Variants in TNIK observed in about 807,000 individuals in gnomAD.
TNIK encodes TRAF2 and NCK interacting kinase.
TNIK carries 49 observed loss-of-function variants against 191.3 expected under a neutral mutation model. The observed-to-expected ratio is 0.26, with a 90% CI of 0.20 to 0.32. The LOEUF is 0.32. Among genes scored for constraint, TNIK ranks in the 10% least tolerant of loss-of-function variants. The pLI, the probability that TNIK is intolerant of heterozygous loss-of-function variation, is 1.00. For missense variants in TNIK, 1,155 were observed against 1,702.3 expected, an observed-to-expected ratio of 0.68 and a Z score of 5.66; for synonymous variants, 594 against 600.9, an observed-to-expected ratio of 0.99 and a Z score of 0.17.
chr3:171,347,159 G>C, intron 2 of TNIK: 2 of 1,528,878 alleles, frequency 1.3e-6, no homozygotes, highest in South Asian at 1.2e-5. Context: ...ATGATGTCAT[G>C]GGTGACTCCT....
intron 2 of TNIK, among the ~76,000 whole-genome samples, chr3:171,368,931 C>G: frequency 1.3e-5 from 1 of 76,406 alleles, no homozygotes; most frequent in South Asian, 6.2e-4. Context: ...AGTTCACTTT[C>G]ATTTTTTTTG....
chr3:171,345,034 T>G (rs1711938419), intron 2 of TNIK, among the ~76,000 whole-genome samples: 1 of 152,158 alleles, frequency 6.6e-6, no homozygotes, highest in Admixed American at 6.5e-5. Context: ...ATTCGTCTCA[T>G]GGCCTAGAGC....
At chr3:171,438,999 T>C (rs1171308042) in intron 1 of TNIK, among the ~76,000 whole-genome samples, 1 of 152,190 alleles carries the variant, frequency 6.6e-6, no homozygotes, top group Non-Finnish European at 1.5e-5. Context: ...ATTCCCACTA[T>C]TTATTTAGAA....
At chr3:171,310,935 G>A (rs1393780763) in intron 2 of TNIK, among the ~76,000 whole-genome samples, 1 of 152,078 alleles carries the variant, frequency 6.6e-6, no homozygotes, top group East Asian at 1.9e-4. Flanking sequence ...TATGAAACAT[G>A]TGCTTCCCAG....
At position 171,356,532 on chromosome 3, in the gene TNIK, C is replaced by T. The variant is rs149757530; in HGVS notation, c.123+13088G>A. On this transcript the variant is annotated intron_variant, in intron 2 of 32. Transcript: ENST00000436636. ...TATATATTGAAACAGGCTATGGCAT[C>T]GCTGCTCTATAGTATAAATTCAGAC... 1.9e-3 allele frequency among the ~76,000 whole-genome samples: 282 copies of T among 152,234 alleles called. 1 individual carries two copies. The highest frequency in any genetic ancestry group is 6.5e-3 in the African/African-American group (271 of 41,554).
chr3:171,071,504 C>T (rs868846667), intron 28 of TNIK, 181 bp from the exon 29 acceptor site: 11 of 569,332 alleles, frequency 1.9e-5, no homozygotes, highest in South Asian at 1.2e-4. Context: ...CTTCCCTTAG[C>T]GAACTTTGGT....
intron 3 of TNIK, among the ~76,000 whole-genome samples, chr3:171,220,124 C>T (rs540212314): frequency 2.6e-5 from 4 of 152,244 alleles, no homozygotes; most frequent in Admixed American, 2.6e-4. Context: ...CCATCATTCT[C>T]AGCAAACTAA....
In TNIK at chr3:171,260,159, G is replaced by C. The variant is rs142259700; in HGVS notation, c.124-31938C>G. 4.2e-3 allele frequency among the ~76,000 whole-genome samples: 635 copies of C among 152,182 alleles called. 2 individuals carry two copies. The highest frequency in any genetic ancestry group is 6.6e-3 in the Non-Finnish European group (449 of 68,000). The stretch of plus-strand genomic sequence containing the variant: ...CGGGCTTGTTTTCAGCAAGAGTCCT[G>C]TTAGGTTGCTTAGCCAGAATCCCCC... On this transcript the variant is annotated intron_variant, in intron 2 of 32. Coordinates refer to ENST00000436636, the MANE Select transcript of TNIK (RefSeq NM_015028.4).
chr3:171,367,816 G>A lies in TNIK; in HGVS notation c.123+1804C>T, dbSNP rs377011875. On this transcript the variant is annotated intron_variant, in intron 2 of 32. Coordinates refer to ENST00000436636, the MANE Select transcript of TNIK (RefSeq NM_015028.4). The stretch of plus-strand genomic sequence containing the variant: ...TACATTCTCATTTGACTAATACACA[G>A]AAAAGCTGTGGTGGCTACAAAACAA... Among the ~76,000 whole-genome samples the A allele has an allele frequency of 1.4e-3, 214 of 152,230 alleles. 1 individual carries two copies. Among genetic ancestry groups the A allele is most frequent in the African/African-American group, 4.9e-3 (203 of 41,548 alleles).
rs77883259 is a variant in TNIK at position 171,352,799 on chromosome 3, C to T, written c.123+16821G>A. 2.7e-3 allele frequency among the ~76,000 whole-genome samples: 404 copies of T among 152,246 alleles called. 1 individual carries two copies. Among genetic ancestry groups the T allele is most frequent in the Non-Finnish European group, 4.2e-3 (284 of 68,004 alleles). On this transcript the variant is annotated intron_variant, in intron 2 of 32. Coordinates refer to ENST00000436636, the MANE Select transcript of TNIK (RefSeq NM_015028.4). ...TTATACTCTTAAATTGCTTGGTAAA[C>T]GCCTCCTTCTAAGGTACTTTAAAAG...
chr3:171,320,857 C>T (rs1755098101), intron 2 of TNIK, among the ~76,000 whole-genome samples: 1 of 152,174 alleles, frequency 6.6e-6, no homozygotes, highest in South Asian at 2.1e-4. Context: ...ACATAGTTGG[C>T]TATTAATAGT....
intron 2 of TNIK, among the ~76,000 whole-genome samples, chr3:171,315,732 C>G (rs1754529055): frequency 6.6e-6 from 1 of 152,058 alleles, no homozygotes; most frequent in Admixed American, 6.6e-5. Flanking sequence ...AAACTCATCC[C>G]TCCCATCTCT....
At chr3:171,297,216 T>C (rs1186642736) in intron 2 of TNIK, among the ~76,000 whole-genome samples, 2 of 152,196 alleles carry the variant, frequency 1.3e-5, no homozygotes, top group African/African-American at 4.8e-5. Flanking sequence ...GGGAATGTAC[T>C]GCATCCTATT....
At chr3:171,384,474 T>C (rs1718464646) in intron 1 of TNIK, among the ~76,000 whole-genome samples, 1 of 152,248 alleles carries the variant, frequency 6.6e-6, no homozygotes, top group Admixed American at 6.5e-5. Flanking sequence ...GATTAACATT[T>C]TAATAAGATT....
At chr3:171,253,281 C>CA (rs5854409) in intron 2 of TNIK, among the ~76,000 whole-genome samples, 61,746 of 135,738 alleles carry the variant, frequency 0.45, 13,729 homozygotes, top group Non-Finnish European at 0.51. Flanking sequence ...AAGACTGTCT[C>CA]AAAAAAAAAA....
At chr3:171,123,931 C>A (rs1276957871) in intron 17 of TNIK, among the ~76,000 whole-genome samples, 1 of 152,154 alleles carries the variant, frequency 6.6e-6, no homozygotes, top group Non-Finnish European at 1.5e-5. Flanking sequence ...TAAAGAGGGT[C>A]ATCCTCAATC....
chr3:171,187,486 C>T (rs1249675018), intron 7 of TNIK, among the ~76,000 whole-genome samples: 1 of 152,086 alleles, frequency 6.6e-6, no homozygotes, highest in Non-Finnish European at 1.5e-5. Flanking sequence ...TACGGGGCCT[C>T]AAAAACGCTG....
intron 2 of TNIK, among the ~76,000 whole-genome samples, chr3:171,271,779 C>T (rs1387623446): frequency 6.6e-6 from 1 of 152,048 alleles, no homozygotes; most frequent in African/African-American, 2.4e-5. Flanking sequence ...ACTTTCAAAC[C>T]CGAATTTAAA....
At chr3:171,112,075 AAAT>A (rs1725933498) in intron 18 of TNIK, among the ~76,000 whole-genome samples, 1 of 152,234 alleles carries the variant, frequency 6.6e-6, no homozygotes, top group South Asian at 2.1e-4. Context: ...CATCAGAAAA[AAAT>A]GATAACTATG....
Sources: allele counts gnomAD v4.1 joint callset (sites outside exome capture counted in the v4.1 genomes callset), GRCh38; gene constraint gnomAD v4.1.1; transcripts MANE v1.5; gene names NCBI Gene and HGNC (gene_info 2026-07-23, HGNC 2026-07-21).